Variants in PPM1H observed in about 807,000 individuals in gnomAD.
PPM1H encodes protein phosphatase, Mg2+/Mn2+ dependent 1H, also known as protein phosphatase 1H.
A neutral mutation model predicts 54.9 loss-of-function variants in PPM1H; 27 were observed. The observed-to-expected ratio is 0.49, with a 90% CI of 0.36 to 0.68. The LOEUF (loss-of-function observed/expected upper bound fraction) is 0.68. Ranked by LOEUF, PPM1H falls within the 30% of genes least tolerant of loss-of-function variation. The pLI is 0.00. For synonymous variants in PPM1H, 305 were observed against 270.8 expected (o/e 1.13, Z -1.24); for missense variants, 596 against 667.8 (o/e 0.89, Z 1.19).
At position 62,934,427 on chromosome 12, in the gene PPM1H, G is replaced by A; in HGVS notation, c.245+65C>T. ...AGGCCGAGAAGCAGGGAGAGAAGAG[G>A]GCTGGAACCGTGCGGGGAAGGGCCG... On this transcript the variant is annotated intron_variant, in intron 1 of 9. Coordinates refer to ENST00000228705, the MANE Select transcript of PPM1H (RefSeq NM_020700.2). This position sits in a 1 kb window ranked among gnomAD's most constrained non-coding sequence, Gnocchi z 4.2. 6.8e-7 allele frequency: 1 copy of A among 1,473,998 alleles called. No individual in the cohort carries two copies. Among genetic ancestry groups the A allele is most frequent in the East Asian group, 2.6e-5 (1 of 38,422 alleles). The allele number at this position is 1,473,998 out of a possible 1,614,324, so 91.3% of individuals were successfully genotyped here.
chr12:62,928,094 A>G (rs1029540961), intron 1 of PPM1H, among the ~76,000 whole-genome samples: 5 of 152,216 alleles, frequency 3.3e-5, no homozygotes, highest in Non-Finnish European at 7.3e-5. Flanking sequence ...AAATCCTTAT[A>G]CATAAAGTGC....
At chr12:62,898,128 T>C (rs2121105067) in intron 1 of PPM1H, among the ~76,000 whole-genome samples, 1 of 152,294 alleles carries the variant, frequency 6.6e-6, no homozygotes, top group Middle Eastern at 3.4e-3. Flanking sequence ...TAATCATCCT[T>C]AAATGGTGGC....
At chr12:62,856,409 T>C (rs1004065118) in intron 1 of PPM1H, among the ~76,000 whole-genome samples, 26 of 152,174 alleles carry the variant, frequency 1.7e-4, no homozygotes, top group African/African-American at 6.0e-4. Context: ...TCACTATCTT[T>C]TGTTGCCTGA....
chr12:62,767,191 T>C (rs113685382), intron 4 of PPM1H, among the ~76,000 whole-genome samples: 16 of 152,262 alleles, frequency 1.1e-4, no homozygotes, highest in African/African-American at 3.9e-4. Context: ...TGGGCTTCTA[T>C]ACTTGGGCAA....
chr12:62,828,399 G>A (rs1034332304), intron 2 of PPM1H, among the ~76,000 whole-genome samples: 1 of 152,144 alleles, frequency 6.6e-6, no homozygotes, highest in Non-Finnish European at 1.5e-5. Flanking sequence ...TCCCACCTTG[G>A]TGTCTTTCAA....
intron 6 of PPM1H, among the ~76,000 whole-genome samples, chr12:62,719,907 T>C (rs772281683): frequency 3.5e-4 from 54 of 152,194 alleles, no homozygotes; most frequent in Admixed American, 4.6e-4. Context: ...AAATATTTGC[T>C]ACATGTGAAG....
intron 1 of PPM1H, among the ~76,000 whole-genome samples, chr12:62,853,785 T>A (rs1334050696): frequency 6.6e-6 from 1 of 152,208 alleles, no homozygotes; most frequent in African/African-American, 2.4e-5. Flanking sequence ...GGGAGCCTAC[T>A]CCTTTCTATT....
intron 6 of PPM1H, among the ~76,000 whole-genome samples, chr12:62,701,046 A>T (rs1200916414): frequency 6.6e-6 from 1 of 152,126 alleles, no homozygotes; most frequent in Non-Finnish European, 1.5e-5. Context: ...TTGTTTTGCT[A>T]CCTATGGCAT....
chr12:62,826,969 CTCT>C (rs1435922368), intron 2 of PPM1H, among the ~76,000 whole-genome samples: 1 of 152,172 alleles, frequency 6.6e-6, no homozygotes, highest in Non-Finnish European at 1.5e-5. Context: ...CAGTACCCCT[CTCT>C]TCTTGGAGCT....
intron 1 of PPM1H, among the ~76,000 whole-genome samples, chr12:62,897,609 C>T (rs554113074): frequency 3.1e-4 from 47 of 152,182 alleles, no homozygotes; most frequent in Admixed American, 2.5e-3. Context: ...ATGGGTACAC[C>T]TTGTGTGTGA....
chr12:62,893,753 C>T (rs58689636), intron 1 of PPM1H, among the ~76,000 whole-genome samples: 2,281 of 152,198 alleles, frequency 0.015, 65 homozygotes, highest in African/African-American at 0.052. Context: ...TCCCAAAGTG[C>T]TAGGATTACA....
rs1270081972 is a variant in PPM1H, at chr12:62,773,343, C to T, written c.869+14883G>A. On this transcript the variant is annotated intron_variant, in intron 4 of 9. Transcript: ENST00000228705. ...AAAATAAATTAGCCAGGTGTGGTGG[C>T]ACATGCCTGTGATCCCAACTACTTG... is the stretch of plus-strand genomic sequence containing the variant. 2.0e-5 allele frequency among the ~76,000 whole-genome samples: 3 copies of T among 152,130 alleles called. No individual in the cohort carries two copies. In the East Asian group the frequency reaches 5.8e-4, roughly 29 times the overall value.
intron 1 of PPM1H, among the ~76,000 whole-genome samples, chr12:62,926,442 T>A (rs1871972769): frequency 6.6e-6 from 1 of 152,046 alleles, no homozygotes; most frequent in Admixed American, 6.6e-5. Context: ...GTTCTAAGCC[T>A]GATATGAAAT....
chr12:62,768,363 T>A (rs919411221), intron 4 of PPM1H, among the ~76,000 whole-genome samples: 2 of 151,966 alleles, frequency 1.3e-5, no homozygotes, highest in African/African-American at 4.8e-5. Context: ...CAATCCGGGA[T>A]GTGAAGAGAA....
In PPM1H at chr12:62,847,792, T is replaced by G. The variant is rs749421957; in HGVS notation, c.246-15513A>C. Among the ~76,000 whole-genome samples the G allele has an allele frequency of 5.9e-4, 90 of 152,208 alleles. 1 individual carries two copies. Among genetic ancestry groups the G allele is most frequent in the Non-Finnish European group, 9.0e-4 (61 of 68,006 alleles). ...TTAAACTTACATAGATAACTATTACTGAAGCTTACCAAGAGTAGACAGTAA... is the reference window on the plus strand; with the variant it reads ...TTAAACTTACATAGATAACTATTACGGAAGCTTACCAAGAGTAGACAGTAA... On this transcript the variant is annotated intron_variant, in intron 1 of 9. Transcript: ENST00000228705.
At chr12:62,747,466 G>A (rs1412253134) in intron 4 of PPM1H, among the ~76,000 whole-genome samples, 1 of 152,124 alleles carries the variant, frequency 6.6e-6, no homozygotes, top group South Asian at 2.1e-4. Context: ...GATGGGTACC[G>A]GGTTTAAGTG....
intron 3 of PPM1H, among the ~76,000 whole-genome samples, chr12:62,796,907 C>A (rs144277593): frequency 7.9e-5 from 12 of 152,232 alleles, no homozygotes; most frequent in African/African-American, 2.7e-4. Context: ...GCCCTCTAAT[C>A]CTGCCTTGGT....
chr12:62,846,369 A>C (rs1868966918), intron 1 of PPM1H, among the ~76,000 whole-genome samples: 3 of 151,734 alleles, frequency 2.0e-5, no homozygotes, highest in Non-Finnish European at 4.4e-5. Context: ...GCATGGTGGC[A>C]GGCACCTGTA....
intron 2 of PPM1H, among the ~76,000 whole-genome samples, chr12:62,829,232 A>G (rs1361967259): frequency 6.6e-6 from 1 of 152,234 alleles, no homozygotes; most frequent in Non-Finnish European, 1.5e-5. Context: ...CCTTGAGAAC[A>G]TTATGCTAAG....
Sources: allele counts gnomAD v4.1 joint callset (sites outside exome capture counted in the v4.1 genomes callset), GRCh38; gene constraint gnomAD v4.1.1; non-coding constraint Gnocchi (gnomAD v3.1); transcripts MANE v1.5; gene names NCBI Gene and HGNC (gene_info 2026-07-23, HGNC 2026-07-21).